The following CCDC169 variants were observed in gnomAD, a reference collection of about 807,000 sequenced individuals.
CCDC169 encodes the protein coiled-coil domain-containing protein 169.
In CCDC169, 30 loss-of-function variants were observed where a neutral mutation model predicts 36.0. That is an observed-to-expected ratio of 0.83 (90% CI 0.62 to 1.13). CCDC169 has a LOEUF of 1.13. CCDC169 is among the 50% of genes most tolerant of loss of function. CCDC169 has a pLI of 0.00. For synonymous variants in CCDC169, 85 were observed against 81.5 expected, an observed-to-expected ratio of 1.04 and a Z score of -0.23; for missense variants, 245 against 245.9, an observed-to-expected ratio of 1.00 and a Z score of 0.03.
chr13:36,253,789 T>TA lies in CCDC169; in HGVS notation c.468+13dup, dbSNP rs536585049. On this transcript the variant is annotated intron_variant, in intron 6 of 7. Coordinates refer to ENST00000239859, the MANE Select transcript of CCDC169 (RefSeq NM_001144981.3). ...AGAAGAAACACTTAGAATTTGGAAA[T>TA]AAAAAAGAGTTACCTGAGACATTTC... 16 of 1,542,346 alleles carry TA rather than the reference T, an allele frequency of 1.0e-5. No homozygotes were observed. Among genetic ancestry groups the TA allele is most frequent in the Admixed American group, 8.2e-5 (4 of 48,526 alleles).
chr13:36,291,382 A>T (rs1431911598), intron 2 of CCDC169, among the ~76,000 whole-genome samples: 1 of 152,202 alleles, frequency 6.6e-6, no homozygotes, highest in Non-Finnish European at 1.5e-5. Context: ...CTTTATAGTT[A>T]TAGTCTTCTG....
chr13:36,257,575 C>T (rs1227820253), intron 4 of CCDC169, among the ~76,000 whole-genome samples: 4 of 152,028 alleles, frequency 2.6e-5, no homozygotes, highest in South Asian at 2.1e-4. Context: ...TGGTGGCAAA[C>T]GCCTGTAGTC....
chr13:36,285,606 G>GATAC (rs1232836693), intron 2 of CCDC169, among the ~76,000 whole-genome samples: 53 of 140,100 alleles, frequency 3.8e-4, no homozygotes, highest in South Asian at 2.4e-3. Flanking sequence ...TAGATAGATA[G>GATAC]ATAGATAGAT....
At chr13:36,250,715 C>G (rs557204538) in intron 6 of CCDC169, among the ~76,000 whole-genome samples, 2 of 152,284 alleles carry the variant, frequency 1.3e-5, no homozygotes, top group South Asian at 4.1e-4. Context: ...TATGGGAAGA[C>G]TGAGAGTCAT....
downstream of CCDC169, chr13:36,225,887 G>A (rs928222038): frequency 2.0e-5 from 3 of 152,146 alleles, no homozygotes; most frequent in African/African-American, 4.8e-5. Context: ...ACCACCATAA[G>A]ATGCCATCTA....
chr13:36,294,665 A>G lies in CCDC169; in HGVS notation c.163+1113T>C, dbSNP rs545398334. Among the ~76,000 whole-genome samples the G allele has an allele frequency of 9.9e-5, 15 of 152,198 alleles. No individual in the cohort carries two copies. The South Asian group carries it at 2.9e-3, about 30-fold the overall frequency. On this transcript the variant is annotated intron_variant, in intron 2 of 7. Coordinates refer to ENST00000239859, the MANE Select transcript of CCDC169 (RefSeq NM_001144981.3). ...GGCCGGGAGCATCAGCAAGACTCACATCTCAAAAAAATGAGCTCCCCGAGT... is the reference window on the plus strand; with the variant it reads ...GGCCGGGAGCATCAGCAAGACTCACGTCTCAAAAAAATGAGCTCCCCGAGT...
At chr13:36,286,268 G>A (rs917886047) in intron 2 of CCDC169, among the ~76,000 whole-genome samples, 4 of 152,166 alleles carry the variant, frequency 2.6e-5, no homozygotes, top group African/African-American at 9.7e-5. Flanking sequence ...CTTCACTGGT[G>A]CAAAGAAAGT....
chr13:36,247,445 A>G (rs1214909311), intron 7 of CCDC169, among the ~76,000 whole-genome samples: 1 of 152,234 alleles, frequency 6.6e-6, no homozygotes, highest in African/African-American at 2.4e-5. Flanking sequence ...GAAAGGATTC[A>G]TCATTCTAGA....
At chr13:36,288,109 C>A (rs951855929) in intron 2 of CCDC169, among the ~76,000 whole-genome samples, 2 of 151,924 alleles carry the variant, frequency 1.3e-5, no homozygotes, top group Admixed American at 1.3e-4. Context: ...CCCTGATTCA[C>A]GCCATTCTTC....
In CCDC169 at chr13:36,265,438, A is replaced by G. The variant is rs570346767; in HGVS notation, c.316-11295T>C. 5.9e-5 allele frequency among the ~76,000 whole-genome samples: 9 copies of G among 152,256 alleles called. No homozygotes were observed. The East Asian group carries it at 1.5e-3, about 26-fold the overall frequency. On this transcript the variant is annotated intron_variant, in intron 4 of 7. Coordinates refer to ENST00000239859, the MANE Select transcript of CCDC169 (RefSeq NM_001144981.3). ...CCTGTAACTGAAACCTTATTAATCTACTCTGGCAGTGATATCACATCGGGC... is the reference window on the plus strand; with the variant it reads ...CCTGTAACTGAAACCTTATTAATCTGCTCTGGCAGTGATATCACATCGGGC...
chr13:36,283,453 T>A lies in CCDC169; in HGVS notation c.315+16A>T, dbSNP rs1277152467. 1.3e-6 allele frequency: 2 copies of A among 1,542,988 alleles called. No homozygotes were observed. Among genetic ancestry groups the A allele is most frequent in the African/African-American group, 2.7e-5 (2 of 72,734 alleles). On this transcript the variant is annotated intron_variant, in intron 4 of 7. Transcript: ENST00000239859. Reference sequence around the variant, plus strand: ...TCCTTCAATTATTCTTTGTGTTTAATCACATTTCTACTCACCACTGGCATT... The same window carrying A: ...TCCTTCAATTATTCTTTGTGTTTAAACACATTTCTACTCACCACTGGCATT...
intron 7 of CCDC169, among the ~76,000 whole-genome samples, chr13:36,232,279 C>T (rs1870522029): frequency 6.6e-6 from 1 of 152,146 alleles, no homozygotes; most frequent in African/African-American, 2.4e-5. Context: ...CTATTTCATT[C>T]CAAGAGGAAT....
At chr13:36,295,269 A>G (rs1208036769) in intron 2 of CCDC169, among the ~76,000 whole-genome samples, 1 of 152,230 alleles carries the variant, frequency 6.6e-6, no homozygotes, top group Non-Finnish European at 1.5e-5. Flanking sequence ...AGGGAAAACA[A>G]AGGTCTTCCA....
At chr13:36,238,767 G>A (rs906918375) in intron 7 of CCDC169, among the ~76,000 whole-genome samples, 2 of 152,146 alleles carry the variant, frequency 1.3e-5, no homozygotes, top group African/African-American at 4.8e-5. Flanking sequence ...TGATGAAGCT[G>A]AGGTACTTCA....
chr13:36,263,251 T>A (rs990621680), intron 4 of CCDC169, among the ~76,000 whole-genome samples: 2 of 152,180 alleles, frequency 1.3e-5, no homozygotes, highest in Admixed American at 1.3e-4. Flanking sequence ...TAAAATTTAA[T>A]CCCCAACTGA....
At chr13:36,231,824 T>C (rs1870466372) in intron 7 of CCDC169, among the ~76,000 whole-genome samples, 1 of 152,206 alleles carries the variant, frequency 6.6e-6, no homozygotes, top group South Asian at 2.1e-4. Context: ...TGTTGCTTTT[T>C]TTCTTGTATA....
At chr13:36,272,695 A>G (rs1434944215) in intron 4 of CCDC169, among the ~76,000 whole-genome samples, 2 of 152,100 alleles carry the variant, frequency 1.3e-5, no homozygotes, top group African/African-American at 4.8e-5. Context: ...AGGAGAAGAG[A>G]GCTGAGAGTT....
intron 7 of CCDC169, among the ~76,000 whole-genome samples, 186 bp downstream of exon 7, chr13:36,248,419 TA>T (rs759875109): frequency 6.6e-6 from 1 of 151,598 alleles, no homozygotes; most frequent in Non-Finnish European, 1.5e-5. Context: ...ATCTGGGATC[TA>T]AAAAAAATGT....
At chr13:36,236,003 A>C (rs1871030079) in intron 7 of CCDC169, among the ~76,000 whole-genome samples, 1 of 152,054 alleles carries the variant, frequency 6.6e-6, no homozygotes. Flanking sequence ...AAATTAAAGA[A>C]GATCTAAATG....
Sources: allele counts gnomAD v4.1 joint callset (sites outside exome capture counted in the v4.1 genomes callset), GRCh38; gene constraint gnomAD v4.1.1; transcripts MANE v1.5; gene names NCBI Gene and HGNC (gene_info 2026-07-23, HGNC 2026-07-21).